Variants in DBF4B observed in about 807,000 individuals in gnomAD.
DBF4B encodes the protein DBF4B-CDC7 kinase regulatory subunit.
In DBF4B, 49 loss-of-function variants were observed where a neutral mutation model predicts 53.4. The observed-to-expected ratio is 0.92, with a 90% CI of 0.73 to 1.16. The LOEUF is 1.16. Ranked by LOEUF, DBF4B falls within the 50% of genes most tolerant of loss-of-function variation. DBF4B has a pLI of 0.00. For missense variants in DBF4B, 692 were observed against 775.0 expected, an observed-to-expected ratio of 0.89 and a Z score of 1.27; for synonymous variants, 257 against 288.7, an observed-to-expected ratio of 0.89 and a Z score of 1.11.
chr17:44,748,953 G>A (rs1321234771), intron 13 of DBF4B: 1 of 1,289,896 alleles, frequency 7.8e-7, no homozygotes, highest in Non-Finnish European at 1.0e-6. Context: ...GACCAGCAGA[G>A]TTCTGGGCCA....
At chr17:44,725,844 G>T (rs1487762799) in intron 3 of DBF4B, among the ~76,000 whole-genome samples, 1 of 151,510 alleles carries the variant, frequency 6.6e-6, no homozygotes, top group South Asian at 2.1e-4. Context: ...TCGCCACCAT[G>T]CCCTGCTCAT....
chr17:44,725,780 C>A (rs985750763), intron 3 of DBF4B, among the ~76,000 whole-genome samples: 42 of 149,694 alleles, frequency 2.8e-4, no homozygotes, highest in Non-Finnish European at 5.6e-4. Context: ...TCAACCTCCC[C>A]AGACTCAGGT....
intron 2 of DBF4B, among the ~76,000 whole-genome samples, chr17:44,722,633 A>G (rs1001565229): frequency 1.3e-5 from 2 of 152,158 alleles, no homozygotes; most frequent in African/African-American, 4.8e-5. Flanking sequence ...GCTTCCCTAG[A>G]TTTAGATTCT....
chr17:44,743,982 A>G (rs1266599529), intron 10 of DBF4B, among the ~76,000 whole-genome samples: 2 of 150,178 alleles, frequency 1.3e-5, no homozygotes, highest in East Asian at 2.0e-4. Flanking sequence ...ATCTCTGGAG[A>G]TAGACCACAC....
Sources: allele counts gnomAD v4.1 joint callset (sites outside exome capture counted in the v4.1 genomes callset), GRCh38; gene constraint gnomAD v4.1.1; transcripts MANE v1.5; gene names NCBI Gene and HGNC (gene_info 2026-07-23, HGNC 2026-07-21).